Variants in CCDC192 observed in about 807,000 individuals in gnomAD.
CCDC192 encodes the protein coiled-coil domain containing 192.
intron 1 of CCDC192, among the ~76,000 whole-genome samples, chr5:127,704,301 A>C (rs918162024): frequency 6.6e-6 from 1 of 151,972 alleles, no homozygotes; most frequent in Admixed American, 6.6e-5. Context: ...TGATTCTCCC[A>C]CTTCAGCCTC....
At position 127,886,771 on chromosome 5, in the gene CCDC192, C is replaced by G. The variant is rs974902304; in HGVS notation, c.535+11110C>G. On this transcript the variant is annotated intron_variant, in intron 6 of 6. Coordinates refer to ENST00000514853, the MANE Select transcript of CCDC192 (RefSeq NM_001317938.2). ...AGTTGTATGTGAATTTTTAACTGTG[C>G]AGGAGGTCAGAAACCTTAACCCCTG... 3.3e-5 allele frequency among the ~76,000 whole-genome samples: 5 copies of G among 152,056 alleles called. No homozygotes were observed. In the South Asian group the frequency reaches 1.0e-3, roughly 32 times the overall value.
chr5:127,921,297 A>G (rs2127190463), intron 6 of CCDC192, among the ~76,000 whole-genome samples: 1 of 152,172 alleles, frequency 6.6e-6, no homozygotes, highest in Admixed American at 6.5e-5. Flanking sequence ...AAAGACTGAC[A>G]AGGTAGTTAA....
At chr5:127,770,050 G>A (rs1165376775) in intron 3 of CCDC192, among the ~76,000 whole-genome samples, 1 of 152,140 alleles carries the variant, frequency 6.6e-6, no homozygotes, top group Non-Finnish European at 1.5e-5. Flanking sequence ...TCAGGTTCTA[G>A]GGATGCCTCT....
At chr5:127,845,284 T>C (rs776543052) in intron 5 of CCDC192, among the ~76,000 whole-genome samples, 27 of 151,904 alleles carry the variant, frequency 1.8e-4, no homozygotes, top group Non-Finnish European at 2.9e-4. Flanking sequence ...ATAGTGAGAG[T>C]GGGCCGCCCT....
At chr5:127,900,928 C>CA (rs1470292312) in intron 6 of CCDC192, among the ~76,000 whole-genome samples, 1 of 152,148 alleles carries the variant, frequency 6.6e-6, no homozygotes, top group Non-Finnish European at 1.5e-5. Context: ...TCTTACTAAA[C>CA]AGTCCCTCTT....
chr5:127,831,784 A>T (rs1266047150), intron 5 of CCDC192, among the ~76,000 whole-genome samples: 3 of 152,124 alleles, frequency 2.0e-5, no homozygotes, highest in African/African-American at 7.2e-5. Flanking sequence ...TTAACATATG[A>T]TCTTTAAATA....
At chr5:127,772,572 C>A (rs956297310) in intron 3 of CCDC192, among the ~76,000 whole-genome samples, 10 of 152,036 alleles carry the variant, frequency 6.6e-5, no homozygotes, top group African/African-American at 2.4e-4. Flanking sequence ...GCAGTAATTC[C>A]AAGCAATAAG....
chr5:127,869,195 G>A (rs1300682258), intron 5 of CCDC192, among the ~76,000 whole-genome samples: 3 of 152,096 alleles, frequency 2.0e-5, no homozygotes, highest in African/African-American at 7.2e-5. Flanking sequence ...CTGGTGGCAC[G>A]TGCCTGTAGT....
intron 3 of CCDC192, among the ~76,000 whole-genome samples, chr5:127,759,066 T>A (rs2126884287): frequency 6.6e-6 from 1 of 152,306 alleles, no homozygotes; most frequent in Non-Finnish European, 1.5e-5. Context: ...AGGTATCAGA[T>A]CAGGGAGAGC....
intron 3 of CCDC192, among the ~76,000 whole-genome samples, chr5:127,776,120 G>A (rs1474187341): frequency 1.3e-5 from 2 of 152,226 alleles, no homozygotes; most frequent in Non-Finnish European, 2.9e-5. Context: ...GGTTGGAAAA[G>A]TTTGGAGGGC....
intron 6 of CCDC192, among the ~76,000 whole-genome samples, chr5:127,916,551 A>C (rs1753525429): frequency 6.6e-6 from 1 of 152,202 alleles, no homozygotes; most frequent in Non-Finnish European, 1.5e-5. Context: ...AGTAAAAATC[A>C]CTCCTTCAGC....
intron 3 of CCDC192, among the ~76,000 whole-genome samples, chr5:127,771,181 T>A (rs1242721762): frequency 1.3e-5 from 2 of 152,222 alleles, no homozygotes; most frequent in Non-Finnish European, 2.9e-5. Flanking sequence ...TTTTTCCTAC[T>A]GTGTGAAGAT....
At chr5:127,743,535 T>G (rs1753554810) in intron 2 of CCDC192, among the ~76,000 whole-genome samples, 2 of 152,096 alleles carry the variant, frequency 1.3e-5, no homozygotes, top group East Asian at 3.9e-4. Context: ...GACCATGCCT[T>G]CCAGATTACA....
intron 5 of CCDC192, among the ~76,000 whole-genome samples, chr5:127,806,493 T>G (rs1043743387): frequency 6.6e-6 from 1 of 152,184 alleles, no homozygotes; most frequent in African/African-American, 2.4e-5. Flanking sequence ...GTAGACATTT[T>G]TTATAAATAC....
chr5:127,728,107 T>G (rs571771388), intron 2 of CCDC192, among the ~76,000 whole-genome samples: 188 of 152,286 alleles, frequency 1.2e-3, no homozygotes, highest in African/African-American at 4.2e-3. Context: ...AAAACCAAGT[T>G]GGAAAACATT....
At chr5:127,748,039 TTCTCCCATTCTGTAG>T (rs1410602244) in intron 2 of CCDC192, among the ~76,000 whole-genome samples, 1 of 143,438 alleles carries the variant, frequency 7.0e-6, no homozygotes, top group Non-Finnish European at 1.5e-5. Flanking sequence ...TGCAAAAATT[TTCTCCCATTCTGTAG>T]GTTGCCTGTT....
intron 3 of CCDC192, among the ~76,000 whole-genome samples, chr5:127,789,690 G>A (rs34347180): frequency 2.6e-5 from 4 of 152,064 alleles, no homozygotes; most frequent in Non-Finnish European, 5.9e-5. Context: ...GAAGGTGGGG[G>A]AAAATGAAGA....
chr5:127,890,988 A>T (rs1752715462), intron 6 of CCDC192, among the ~76,000 whole-genome samples: 1 of 152,068 alleles, frequency 6.6e-6, no homozygotes, highest in South Asian at 2.1e-4. Flanking sequence ...ACTATTCTGT[A>T]CCCTCACACT....
At chr5:127,840,243 A>G (rs981406185) in intron 5 of CCDC192, among the ~76,000 whole-genome samples, 11 of 152,248 alleles carry the variant, frequency 7.2e-5, no homozygotes, top group African/African-American at 2.4e-4. Context: ...ACATTCTTAA[A>G]TAACTGGGTA....
Sources: allele counts gnomAD v4.1 joint callset (sites outside exome capture counted in the v4.1 genomes callset), GRCh38; gene constraint gnomAD v4.1.1; transcripts MANE v1.5; gene names NCBI Gene and HGNC (gene_info 2026-07-23, HGNC 2026-07-21).